The following DHRS7B variants were observed in gnomAD, a reference collection of about 807,000 sequenced individuals.
DHRS7B encodes the protein peroxisomal reductase activating PPAR-gamma.
In DHRS7B, 24 loss-of-function variants were observed where a neutral mutation model predicts 26.4. The ratio of observed to expected loss-of-function variants is 0.91; its 90% CI spans 0.66 to 1.28. DHRS7B has a LOEUF of 1.28. DHRS7B is among the 50% of genes most tolerant of loss of function. The probability of loss-of-function intolerance (pLI) is 0.00; values close to 1 mark genes in which losing one functional copy is unlikely to be tolerated. For missense variants in DHRS7B, 368 were observed against 419.4 expected (o/e 0.88, Z 1.07); for synonymous variants, 142 against 166.4 (o/e 0.85, Z 1.13).
At chr17:21,181,147 T>C (rs1437464663) in intron 3 of DHRS7B, among the ~76,000 whole-genome samples, 1 of 152,202 alleles carries the variant, frequency 6.6e-6, no homozygotes, top group Admixed American at 6.5e-5. Context: ...AGTTCAGTAG[T>C]GCAATCATGG....
At chr17:21,170,994 C>A (rs551753208) in intron 1 of DHRS7B, among the ~76,000 whole-genome samples, 43 of 152,236 alleles carry the variant, frequency 2.8e-4, no homozygotes, top group African/African-American at 9.2e-4. Context: ...ATTCCAGCCT[C>A]TTCCTTCCTG....
intron 1 of DHRS7B, among the ~76,000 whole-genome samples, chr17:21,164,720 C>T (rs892881595): frequency 2.6e-5 from 4 of 152,168 alleles, no homozygotes; most frequent in Non-Finnish European, 5.9e-5. Context: ...TGTCAGTCTT[C>T]CATAGGGGCT....
chr17:21,180,222 G>A (rs532276125), intron 3 of DHRS7B, among the ~76,000 whole-genome samples: 6 of 151,730 alleles, frequency 4.0e-5, no homozygotes, highest in Non-Finnish European at 7.4e-5. Flanking sequence ...CTACAGGCAC[G>A]CACCACCACA....
chr17:21,145,049 G>T (rs1286699982), intron 1 of DHRS7B, among the ~76,000 whole-genome samples: 1 of 152,134 alleles, frequency 6.6e-6, no homozygotes, highest in African/African-American at 2.4e-5. Context: ...TGTAGGCCAT[G>T]CACGGTGGCT....
chr17:21,181,305 C>T (rs756681267), intron 3 of DHRS7B, among the ~76,000 whole-genome samples: 5 of 152,076 alleles, frequency 3.3e-5, no homozygotes, highest in African/African-American at 4.8e-5. Flanking sequence ...AGGCTGATCT[C>T]GAACTCCAGG....
At chr17:21,157,718 C>G (rs910858188) in intron 1 of DHRS7B, among the ~76,000 whole-genome samples, 1 of 151,964 alleles carries the variant, frequency 6.6e-6, no homozygotes. Context: ...CTAATGTAAT[C>G]TGGCTGGAGG....
At chr17:21,164,442 A>G (rs1462758261) in intron 1 of DHRS7B, among the ~76,000 whole-genome samples, 2 of 152,116 alleles carry the variant, frequency 1.3e-5, no homozygotes, top group Non-Finnish European at 1.5e-5. Flanking sequence ...TAGATTTCTG[A>G]CCTCATATTT....
intron 1 of DHRS7B, among the ~76,000 whole-genome samples, chr17:21,142,424 T>TA (rs1973537921): frequency 6.6e-6 from 1 of 152,184 alleles, no homozygotes; most frequent in Non-Finnish European, 1.5e-5. Flanking sequence ...TACCTGTCTT[T>TA]AGTTTCGCTT....
chr17:21,169,040 T>TCTTCACACCCA, intron 1 of DHRS7B: 1 of 482,152 alleles, frequency 2.1e-6, no homozygotes, highest in African/African-American at 2.1e-5. Flanking sequence ...TGCTCCTCCC[T>TCTTCACACCCA]GGGTGTGAAG....
intron 1 of DHRS7B, among the ~76,000 whole-genome samples, chr17:21,171,178 T>G (rs112065427): frequency 5.9e-5 from 9 of 152,318 alleles, no homozygotes; most frequent in South Asian, 2.1e-4. Flanking sequence ...CCTTTAACCC[T>G]GTGTCCCCCT....
At chr17:21,136,782 C>T (rs764982290) in intron 1 of DHRS7B, among the ~76,000 whole-genome samples, 40 of 151,684 alleles carry the variant, frequency 2.6e-4, no homozygotes, top group Non-Finnish European at 3.1e-4. Context: ...TCTTGAACTC[C>T]CTACCTCAGG....
At chr17:21,141,976 A>C (rs966625343) in intron 1 of DHRS7B, among the ~76,000 whole-genome samples, 2 of 152,186 alleles carry the variant, frequency 1.3e-5, no homozygotes, top group African/African-American at 2.4e-5. Context: ...AAAATCTGAG[A>C]CAGGTCTCAG....
At chr17:21,140,019 A>ATTATTTTTTTTTT (rs1188887493) in intron 1 of DHRS7B, among the ~76,000 whole-genome samples, 1 of 60,384 alleles carries the variant, frequency 1.7e-5, no homozygotes, top group Non-Finnish European at 3.2e-5. Flanking sequence ...AGACTTTCAG[A>ATTATTTTTTTTTT]TTCTTTTTTT....
intron 1 of DHRS7B, among the ~76,000 whole-genome samples, chr17:21,158,805 C>T (rs1973933336): frequency 6.6e-6 from 1 of 152,074 alleles, no homozygotes; most frequent in African/African-American, 2.4e-5. Context: ...TATAAAGCTA[C>T]ATTAATCAGG....
At chr17:21,127,042 C>T (rs1344305313) in intron 1 of DHRS7B, 51 bp downstream of exon 1, 2 of 1,469,846 alleles carry the variant, frequency 1.4e-6, no homozygotes, top group Non-Finnish European at 1.8e-6. Flanking sequence ...AGGGTCTGGC[C>T]TTGAGCTGAG....
intron 1 of DHRS7B, among the ~76,000 whole-genome samples, chr17:21,143,238 T>C (rs1973566183): frequency 6.6e-6 from 1 of 152,152 alleles, no homozygotes; most frequent in South Asian, 2.1e-4. Context: ...AATTTTTGTA[T>C]TTTTAGTAGA....
rs1328197901 is a variant in DHRS7B at position 21,184,457 on chromosome 17, T to G, written c.613T>G (p.Ser205Ala). The change falls in exon 5 of 7, where the codon TCA becomes GCA. Residue 205 changes from serine (S) to alanine (A), a missense_variant. Physicochemically the swap from Ser to Ala is moderately conservative, Grantham distance 99. Coordinates refer to ENST00000395511, the MANE Select transcript of DHRS7B (RefSeq NM_015510.5). ...IQGKMSIPFR[S>A]AYAASKHATQ... ...GGGCAAGATGAGCATTCCTTTTCGATCAGCATGTGAGTACTTCTCTCTCCC... is the reference window on the plus strand; with the variant it reads ...GGGCAAGATGAGCATTCCTTTTCGAGCAGCATGTGAGTACTTCTCTCTCCC... 1 of 1,613,960 alleles carries G rather than the reference T, an allele frequency of 6.2e-7. No individual in the cohort carries two copies. Among genetic ancestry groups the G allele is most frequent in the East Asian group, 2.2e-5 (1 of 44,890 alleles).
At chr17:21,162,579 G>A (rs1567623461) in intron 1 of DHRS7B, among the ~76,000 whole-genome samples, 2 of 152,334 alleles carry the variant, frequency 1.3e-5, no homozygotes, top group South Asian at 2.1e-4. Context: ...TGGGAGGCAC[G>A]TGGCAGTGAA....
At chr17:21,187,092 A>AATATAT (rs753119146) in intron 5 of DHRS7B, among the ~76,000 whole-genome samples, 92 of 57,042 alleles carry the variant, frequency 1.6e-3, no homozygotes, top group Admixed American at 2.7e-3. Context: ...TCTGTATTAA[A>AATATAT]AGATATATAT....
Sources: allele counts gnomAD v4.1 joint callset (sites outside exome capture counted in the v4.1 genomes callset), GRCh38; gene constraint gnomAD v4.1.1; transcripts MANE v1.5; gene names NCBI Gene and HGNC (gene_info 2026-07-23, HGNC 2026-07-21).